The following NBEA variants were observed in gnomAD, a reference collection of about 807,000 sequenced individuals.
NBEA encodes the protein neurobeachin.
In NBEA, 44 loss-of-function variants were observed where a neutral mutation model predicts 343.4. The observed-to-expected ratio is 0.13, with a 90% CI of 0.10 to 0.16. The LOEUF (loss-of-function observed/expected upper bound fraction) is 0.16. Ranked by LOEUF, NBEA falls within the 10% of genes least tolerant of loss-of-function variation. The pLI is 1.00. For missense variants in NBEA, 2,555 were observed against 3,631.3 expected, an observed-to-expected ratio of 0.70 and a Z score of 7.62; for synonymous variants, 1,175 against 1,238.7, an observed-to-expected ratio of 0.95 and a Z score of 1.08.
chr13:35,166,586 G>A (rs2070052033), intron 24 of NBEA, among the ~76,000 whole-genome samples: 1 of 152,076 alleles, frequency 6.6e-6, no homozygotes, highest in Non-Finnish European at 1.5e-5. Flanking sequence ...ACCTATGCCT[G>A]GTTGTACAAC....
At chr13:35,568,898 C>A (rs2080262735) in intron 45 of NBEA, among the ~76,000 whole-genome samples, 1 of 152,156 alleles carries the variant, frequency 6.6e-6, no homozygotes, top group African/African-American at 2.4e-5. Context: ...CATTCAAATC[C>A]TAATTCTGCC....
At chr13:35,603,604 A>T (rs991937695) in intron 47 of NBEA, among the ~76,000 whole-genome samples, 15 of 152,240 alleles carry the variant, frequency 9.9e-5, no homozygotes, top group African/African-American at 3.6e-4. Context: ...TGTTTAAATA[A>T]AACTAAATAT....
intron 47 of NBEA, among the ~76,000 whole-genome samples, chr13:35,595,872 T>A: frequency 6.6e-6 from 1 of 152,038 alleles, no homozygotes; most frequent in East Asian, 1.9e-4. Flanking sequence ...TTAAGTTATG[T>A]TTGTTTTAGT....
intron 10 of NBEA, among the ~76,000 whole-genome samples, chr13:35,084,181 A>G (rs1364065400): frequency 1.3e-5 from 2 of 152,124 alleles, no homozygotes; most frequent in African/African-American, 4.8e-5. Flanking sequence ...ACAGAAAGTT[A>G]ACAAGGATAT....
chr13:35,637,281 A>G (rs12585557), intron 49 of NBEA, among the ~76,000 whole-genome samples: 10,841 of 152,248 alleles, frequency 0.071, 471 homozygotes, highest in East Asian at 0.2. Flanking sequence ...TACTATCAAA[A>G]TAGAAAATAA....
chr13:35,363,536 G>A lies in NBEA; in HGVS notation c.6179+11213G>A, dbSNP rs552098158. 4.0e-5 allele frequency among the ~76,000 whole-genome samples: 6 copies of A among 151,842 alleles called. No individual in the cohort carries two copies. In the Admixed American group the frequency reaches 4.0e-4, roughly 10 times the overall value. ...CTTCCTGTCCATCCTCTTCTTCTAG[G>A]TTAGTTCATCTGCTAACAGTTCTTA... On this transcript the variant is annotated intron_variant, in intron 38 of 58. Transcript: ENST00000379939.
chr13:35,074,332 T>G (rs1219285107), intron 10 of NBEA, among the ~76,000 whole-genome samples: 1 of 152,176 alleles, frequency 6.6e-6, no homozygotes, highest in Non-Finnish European at 1.5e-5. Flanking sequence ...ATATTTTTCT[T>G]ACATTGAGCT....
At position 35,591,695 on chromosome 13, in the gene NBEA, G is replaced by T. The variant is rs189154322; in HGVS notation, c.7177-1633G>T. Among the ~76,000 whole-genome samples, 4 of 152,202 alleles carry T rather than the reference G, an allele frequency of 2.6e-5. No individual in the cohort carries two copies. In the East Asian group the frequency reaches 7.7e-4, roughly 29 times the overall value. On this transcript the variant is annotated intron_variant, in intron 46 of 58. Transcript: ENST00000379939. The stretch of plus-strand genomic sequence containing the variant: ...TAAATTTCAGGGAGATATTGAGGAA[G>T]ATCAGTATTTGTTGCTTTTACTCCA...
At chr13:35,665,239 C>T in intron 56 of NBEA, 53 bp downstream of exon 56, 2 of 1,383,716 alleles carry the variant, frequency 1.4e-6, no homozygotes. Context: ...TGTTTTCTCA[C>T]ACTAAGCGTG....
At chr13:35,265,708 T>G (rs975165940) in intron 34 of NBEA, among the ~76,000 whole-genome samples, 1 of 151,672 alleles carries the variant, frequency 6.6e-6, no homozygotes, top group African/African-American at 2.4e-5. Flanking sequence ...AAAAATCAAC[T>G]GAAAATGAAT....
At chr13:35,522,393 G>A (rs755464513) in intron 41 of NBEA, among the ~76,000 whole-genome samples, 40 of 142,694 alleles carry the variant, frequency 2.8e-4, no homozygotes, top group Admixed American at 1.2e-3. Flanking sequence ...ACTTGAACCC[G>A]GGAGGCAGAG....
At chr13:35,305,790 A>G (rs1156580452) in intron 35 of NBEA, among the ~76,000 whole-genome samples, 2 of 152,210 alleles carry the variant, frequency 1.3e-5, no homozygotes, top group African/African-American at 4.8e-5. Flanking sequence ...CCTGTTTGAT[A>G]TATTTTCTCA....
intron 53 of NBEA, 42 bp from the exon 54 acceptor site, chr13:35,654,813 T>C: frequency 1.3e-6 from 2 of 1,520,306 alleles, no homozygotes; most frequent in South Asian, 1.3e-5. Context: ...GCAAAACTCA[T>C]ATGGAATCTT....
At chr13:34,962,895 A>G (rs764519962) in intron 1 of NBEA, among the ~76,000 whole-genome samples, 3 of 152,048 alleles carry the variant, frequency 2.0e-5, no homozygotes, top group Non-Finnish European at 4.4e-5. Context: ...TGTCAGGGGC[A>G]CCATATTTTA....
At chr13:35,114,453 T>A (rs1195449448) in intron 13 of NBEA, among the ~76,000 whole-genome samples, 2 of 152,222 alleles carry the variant, frequency 1.3e-5, no homozygotes, top group African/African-American at 4.8e-5. Flanking sequence ...TTGCTAGTCA[T>A]CTGTAACCAT....
chr13:35,070,399 T>G (rs1206656699), intron 9 of NBEA, among the ~76,000 whole-genome samples: 1 of 152,086 alleles, frequency 6.6e-6, no homozygotes, highest in African/African-American at 2.4e-5. Flanking sequence ...ATACTTTGCT[T>G]TAAGAATGTA....
chr13:35,143,504 C>A (rs527882161), intron 18 of NBEA, among the ~76,000 whole-genome samples: 6 of 151,612 alleles, frequency 4.0e-5, no homozygotes, highest in Non-Finnish European at 5.9e-5. Flanking sequence ...ATTTAGATGG[C>A]AAGGCCTTGC....
chr13:35,126,128 T>C (rs146445836), intron 17 of NBEA, among the ~76,000 whole-genome samples: 1 of 152,208 alleles, frequency 6.6e-6, no homozygotes, highest in South Asian at 2.1e-4. Flanking sequence ...ATGGGGGCAG[T>C]TCCCCCCTGC....
At chr13:35,269,007 A>G (rs2152803134) in intron 34 of NBEA, among the ~76,000 whole-genome samples, 1 of 152,244 alleles carries the variant, frequency 6.6e-6, no homozygotes, top group East Asian at 1.9e-4. Flanking sequence ...CTGTATTGTA[A>G]CACTGTTAAG....
Sources: gnomAD v4.1 joint callset for allele counts (sites outside exome capture counted in the v4.1 genomes callset) on GRCh38, gnomAD v4.1.1 for gene constraint, MANE v1.5 for transcripts, NCBI Gene and HGNC (gene_info 2026-07-23, HGNC 2026-07-21) for gene names.